CEP170: variants seen among roughly 807,000 people sequenced by gnomAD.
CEP170 encodes the protein centrosomal protein 170, also known as centrosomal protein of 170 kDa.
A neutral mutation model predicts 151.9 loss-of-function variants in CEP170; 21 were observed. That is an observed-to-expected ratio of 0.14 (90% CI 0.10 to 0.20). The LOEUF (loss-of-function observed/expected upper bound fraction) is 0.20. CEP170 is among the 10% of genes least tolerant of loss of function. CEP170 has a pLI of 1.00. For missense variants in CEP170, 964 were observed against 1,892.9 expected, an observed-to-expected ratio of 0.51 and a Z score of 9.11; for synonymous variants, 356 against 648.8, an observed-to-expected ratio of 0.55 and a Z score of 6.86.
intron 3 of CEP170, among the ~76,000 whole-genome samples, chr1:243,213,104 C>A (rs2061961005): frequency 6.6e-6 from 1 of 151,988 alleles, no homozygotes; most frequent in South Asian, 2.1e-4. Context: ...CAAGGTATTT[C>A]ATATTCTTTT....
Position 243,225,876 on chromosome 1 carries a change from G to C in CEP170, c.-41-555C>G, listed in dbSNP as rs146631609. On this transcript the variant is annotated intron_variant, in intron 1 of 19. Transcript: ENST00000366542. ...TTTATTGTCTTAATACGTTTTCCTA[G>C]AACAGCAATTCTGAAACATTCTGTT... Among the ~76,000 whole-genome samples the C allele has an allele frequency of 2.4e-3, 366 of 151,328 alleles. 6 individuals are homozygous for C. In the East Asian group the frequency reaches 0.037, roughly 15 times the overall value.
rs1472797352 is a variant in CEP170 at position 243,185,832 on chromosome 1, CAAT to C, written c.1510_1512del (p.Ile504del). On this transcript the variant is annotated inframe_deletion, in exon 10 of 20. Transcript: ENST00000366542. The surrounding 1 kb of genome is among the most constrained non-coding windows in gnomAD (Gnocchi z 4.9). ...TCCTCACTGTTGGGATTCTCTAACT[CAAT>C]GGTATAAGTACCCTTGTCACTTTGG... 6.2e-7 allele frequency: 1 copy of C among 1,606,584 alleles called. No individual in the cohort carries two copies. The highest frequency in any genetic ancestry group is 8.5e-7 in the Non-Finnish European group (1 of 1,177,294).
chr1:243,251,953 C>A (rs1195971791), intron 1 of CEP170, among the ~76,000 whole-genome samples: 2 of 152,134 alleles, frequency 1.3e-5, no homozygotes, highest in African/African-American at 4.8e-5. Flanking sequence ...AACCACACTA[C>A]CAGACAGATG....
intron 1 of CEP170, among the ~76,000 whole-genome samples, chr1:243,251,406 T>C (rs2065925059): frequency 6.6e-6 from 1 of 152,130 alleles, no homozygotes; most frequent in South Asian, 2.1e-4. Context: ...AAGACAAAGG[T>C]TCAATTATAG....
At chr1:243,252,279 G>A (rs80017519) in intron 1 of CEP170, among the ~76,000 whole-genome samples, 3,668 of 152,200 alleles carry the variant, frequency 0.024, 59 homozygotes, top group Non-Finnish European at 0.037. Flanking sequence ...ATACTTAGTT[G>A]AAGAGTACAC....
chr1:243,254,752 T>A (rs1553276044), intron 1 of CEP170, among the ~76,000 whole-genome samples: 1 of 113,768 alleles, frequency 8.8e-6, no homozygotes, highest in Non-Finnish European at 1.7e-5. Flanking sequence ...AGCAAGGGGC[T>A]CGGGAAAGCC....
chr1:243,128,281 T>C lies in CEP170; in HGVS notation c.4433A>G (p.Gln1478Arg). ...CTGCTTTTCTACTCTTTTCAGTTCC[T>C]GTAAGATAGAAGAAATCTCCTGCAG... ...TSSMEISSILQELKRVEKQLQ... is the reference protein window; with the variant it reads ...TSSMEISSILRELKRVEKQLQ... Residue 1478 changes from glutamine (Q) to arginine (R), a missense_variant, in exon 19 of 20, where the codon CAG becomes CGG. Gln to Arg is a conservative substitution (Grantham distance 43, BLOSUM62 1). Coordinates refer to ENST00000366542, the MANE Select transcript of CEP170 (RefSeq NM_014812.3). 9 of 1,595,070 alleles carry C rather than the reference T, an allele frequency of 5.6e-6. No individual in the cohort carries two copies. Among genetic ancestry groups the C allele is most frequent in the Non-Finnish European group, 7.7e-6 (9 of 1,173,840 alleles).
At chr1:243,206,416 G>C (rs901700897) in intron 4 of CEP170, among the ~76,000 whole-genome samples, 1 of 152,168 alleles carries the variant, frequency 6.6e-6, no homozygotes, top group Non-Finnish European at 1.5e-5. Flanking sequence ...TATAGGCGTG[G>C]GCCACCATGC....
intron 10 of CEP170, among the ~76,000 whole-genome samples, chr1:243,178,326 A>AAAAAAT (rs1184794048): frequency 2.0e-5 from 3 of 150,930 alleles, no homozygotes; most frequent in East Asian, 3.9e-4. Context: ...AAAAAAAAAA[A>AAAAAAT]AAAAAAAAAG....
chr1:243,230,959 T>C (rs1027527639), intron 1 of CEP170, among the ~76,000 whole-genome samples: 7 of 151,952 alleles, frequency 4.6e-5, no homozygotes, highest in Admixed American at 4.6e-4. Context: ...TGTCAGAACC[T>C]AAAGAAATAG....
At chr1:243,227,606 A>AAAAC (rs1051535049) in intron 1 of CEP170, among the ~76,000 whole-genome samples, 1 of 152,224 alleles carries the variant, frequency 6.6e-6, no homozygotes, top group Non-Finnish European at 1.5e-5. Flanking sequence ...ACTGGCTTAA[A>AAAAC]AAACAAACAA....
chr1:243,214,070 C>T (rs1396751780), intron 3 of CEP170, among the ~76,000 whole-genome samples: 1 of 152,044 alleles, frequency 6.6e-6, no homozygotes, highest in Non-Finnish European at 1.5e-5. Context: ...TTTTTCACAT[C>T]TGTGTTCCAA....
chr1:243,183,413 C>T (rs1359207916), intron 10 of CEP170, among the ~76,000 whole-genome samples: 3 of 152,232 alleles, frequency 2.0e-5, no homozygotes, highest in Non-Finnish European at 4.4e-5. Context: ...CTCATCCAGG[C>T]AACTTGATAT....
chr1:243,199,667 T>G (rs952829908), intron 6 of CEP170, among the ~76,000 whole-genome samples: 2 of 152,024 alleles, frequency 1.3e-5, no homozygotes, highest in African/African-American at 4.8e-5. Context: ...GAGTAGCTAT[T>G]TTCCAATTTT....
intron 8 of CEP170, 107 bp downstream of exon 8, chr1:243,190,911 A>C: frequency 7.0e-7 from 1 of 1,431,958 alleles, no homozygotes; most frequent in South Asian, 1.5e-5. Flanking sequence ...CCTTTGAAAA[A>C]AGCAGAATGT....
chr1:243,181,096 A>G (rs1473433130), intron 10 of CEP170, among the ~76,000 whole-genome samples: 1 of 152,132 alleles, frequency 6.6e-6, no homozygotes, highest in Admixed American at 6.6e-5. Context: ...TCTTACCACA[A>G]GTTTCTCCTA....
chr1:243,221,477 GTC>G, intron 3 of CEP170: 1 of 446,778 alleles, frequency 2.2e-6, no homozygotes, highest in Non-Finnish European at 3.9e-6. Context: ...CCTTAAAGAA[GTC>G]TTCTTTAGCC....
chr1:243,210,645 T>C lies in CEP170; in HGVS notation c.274+1241A>G, dbSNP rs1470065089. Among the ~76,000 whole-genome samples, 3 of 128,180 alleles carry C rather than the reference T, an allele frequency of 2.3e-5. No homozygotes were observed. In the Admixed American group the frequency reaches 2.8e-4, roughly 12 times the overall value. The allele number at this position is 128,180 out of a possible 152,430, so 84.1% of individuals were successfully genotyped here. A position where few individuals can be genotyped will look rare whatever the true frequency, so the allele number is the denominator to read the frequency against. On this transcript the variant is annotated intron_variant, in intron 4 of 19. Coordinates refer to ENST00000366542, the MANE Select transcript of CEP170 (RefSeq NM_014812.3). ...TTTTTTTTTTTTTTGAGATGGAGTC[T>C]CTCTCTGTTGCCAGGCTACAGTGCA...
chr1:243,226,951 T>C (rs1246838380), intron 1 of CEP170, among the ~76,000 whole-genome samples: 1 of 152,188 alleles, frequency 6.6e-6, no homozygotes, highest in Non-Finnish European at 1.5e-5. Flanking sequence ...ATCACGCCAC[T>C]GCACTTCATC....
Sources: gnomAD v4.1 joint callset for allele counts (sites outside exome capture counted in the v4.1 genomes callset) on GRCh38, gnomAD v4.1.1 for gene constraint, Gnocchi (gnomAD v3.1) non-coding constraint, MANE v1.5 for transcripts, NCBI Gene and HGNC (gene_info 2026-07-23, HGNC 2026-07-21) for gene names.